The following UGT2B4 variants were observed in gnomAD, a reference collection of about 807,000 sequenced individuals.
The protein encoded by UGT2B4 is UDP-glucuronosyltransferase 2B4.
In UGT2B4, 49 loss-of-function variants were observed where a neutral mutation model predicts 49.8. The ratio of observed to expected loss-of-function variants is 0.98; its 90% CI spans 0.78 to 1.25. The LOEUF (loss-of-function observed/expected upper bound fraction) is 1.25, where lower values mean the gene tolerates loss of function less well. Among genes scored for constraint, UGT2B4 ranks in the 50% most tolerant of loss-of-function variants. The probability of loss-of-function intolerance (pLI) is 0.00; values close to 1 mark genes in which losing one functional copy is unlikely to be tolerated. For synonymous variants in UGT2B4, 246 were observed against 217.7 expected, an observed-to-expected ratio of 1.13 and a Z score of -1.14; for missense variants, 729 against 627.7, an observed-to-expected ratio of 1.16 and a Z score of -1.73.
At chr4:69,493,303 T>C (rs1272813201) in intron 2 of UGT2B4, among the ~76,000 whole-genome samples, 1 of 152,132 alleles carries the variant, frequency 6.6e-6, no homozygotes, top group Non-Finnish European at 1.5e-5. Context: ...TTACACAGTT[T>C]TTATTACTTG....
chr4:69,513,591 A>C (rs1728660421), intron 1 of UGT2B4, among the ~76,000 whole-genome samples: 1 of 152,138 alleles, frequency 6.6e-6, no homozygotes, highest in Non-Finnish European at 1.5e-5. Context: ...ATTTTAAAAT[A>C]GTTTTCTCTA....
upstream of UGT2B4, among the ~76,000 whole-genome samples, chr4:69,498,785 G>A (rs1728229049): frequency 6.6e-6 from 1 of 151,830 alleles, no homozygotes; most frequent in Admixed American, 6.6e-5. Context: ...CTAGACTGCT[G>A]TCTATTTTAT....
At chr4:69,513,369 A>G (rs1024917690) in intron 1 of UGT2B4, among the ~76,000 whole-genome samples, 2 of 151,832 alleles carry the variant, frequency 1.3e-5, no homozygotes, top group African/African-American at 2.4e-5. Context: ...TATTTTGTCA[A>G]GTTTGTGGAA....
At chr4:69,488,895 C>T (rs966378291) in intron 3 of UGT2B4, among the ~76,000 whole-genome samples, 6 of 152,146 alleles carry the variant, frequency 3.9e-5, no homozygotes, top group East Asian at 1.9e-4. Context: ...CTAGGCCTTC[C>T]TTTCTCTGAA....
chr4:69,481,865 T>C (rs1227170818), intron 5 of UGT2B4, among the ~76,000 whole-genome samples: 1 of 152,230 alleles, frequency 6.6e-6, no homozygotes, highest in Non-Finnish European at 1.5e-5. Flanking sequence ...CTTTGTGTCC[T>C]ACTGTTTCCC....
intron 1 of UGT2B4, chr4:69,518,209 A>G (rs1728775441): frequency 6.5e-6 from 1 of 154,408 alleles, no homozygotes; most frequent in Non-Finnish European, 1.4e-5. Context: ...CCCATAGTCA[A>G]TGAAAAAGCC....
chr4:69,495,978 A>C, upstream of UGT2B4: 3 of 1,449,826 alleles, frequency 2.1e-6, no homozygotes, highest in East Asian at 6.9e-5. Flanking sequence ...TTCAAAGTAA[A>C]TACATTATAT....
upstream of UGT2B4, among the ~76,000 whole-genome samples, chr4:69,499,706 T>C (rs928916272): frequency 3.3e-5 from 5 of 152,214 alleles, no homozygotes; most frequent in Admixed American, 2.6e-4. Flanking sequence ...CTGCTTTCTA[T>C]TTGCTTGGTA....
chr4:69,512,647 G>A (rs185889507), intron 1 of UGT2B4, among the ~76,000 whole-genome samples: 3 of 152,176 alleles, frequency 2.0e-5, no homozygotes, highest in African/African-American at 7.2e-5. Context: ...TTCCATGATG[G>A]TTGAAGTAAT....
chr4:69,485,569 C>G, intron 4 of UGT2B4, 142 bp from the exon 5 acceptor site: 1 of 1,167,806 alleles, frequency 8.6e-7, no homozygotes, highest in Non-Finnish European at 1.2e-6. Flanking sequence ...GAGGAAGGAA[C>G]GCCTACTTCT....
chr4:69,517,197 AG>A (rs1728753292), intron 1 of UGT2B4, among the ~76,000 whole-genome samples: 2 of 152,140 alleles, frequency 1.3e-5, no homozygotes, highest in African/African-American at 4.8e-5. Context: ...AGTCTTTTAG[AG>A]TTTTCTAATC....
intron 3 of UGT2B4, among the ~76,000 whole-genome samples, chr4:69,488,286 A>C (rs1212247182): frequency 6.6e-6 from 1 of 152,178 alleles, no homozygotes; most frequent in Non-Finnish European, 1.5e-5. Context: ...TTGATTGTTA[A>C]CACTTAGAAA....
intron 5 of UGT2B4, among the ~76,000 whole-genome samples, chr4:69,482,899 G>T (rs2109802109): frequency 6.6e-6 from 1 of 151,754 alleles, no homozygotes; most frequent in Admixed American, 6.6e-5. Flanking sequence ...AGCAGTTGTT[G>T]GTTTAATTCT....
chr4:69,495,222 T>C lies in UGT2B4; in HGVS notation c.640A>G (p.Met214Val), dbSNP rs753782287. 1.2e-6 allele frequency: 2 copies of C among 1,607,976 alleles called. No individual in the cohort carries two copies. Among genetic ancestry groups the C allele is most frequent in the Non-Finnish European group, 8.5e-7 (1 of 1,178,326 alleles). The stretch of plus-strand genomic sequence containing the variant: ...AATTCAAAATAAAGCACATAGATCA[T>C]ATTTTTTACCCTCTCTATGAAAGTC... ...QMTFIERVKN[M>V]IYVLYFEFWF... The change falls in exon 1 of 6, where the codon ATG (methionine) becomes GTG (valine). Residue 214 changes from methionine to valine, a missense_variant. Transcript: ENST00000305107.
rs1560429575 is a variant in UGT2B4, at chr4:69,480,302, T to TATGG, written c.*331_*332insCCAT. ...GGACTTCTTAATGTTCTTGTTTCCA[T>TATGG]GTACAATGTGTGACATGTAGTTAAG... On this transcript the variant is annotated 3_prime_UTR_variant, in exon 6 of 6. Transcript: ENST00000305107. 4.2e-6 allele frequency: 1 copy of TATGG among 236,692 alleles called. No individual in the cohort carries two copies. The highest frequency in any genetic ancestry group is 2.3e-5 in the African/African-American group (1 of 44,094). 14.7% of individuals were successfully genotyped at this position (236,692 alleles called of 1,614,324 possible). A position where few individuals can be genotyped will look rare whatever the true frequency, so the allele number is the denominator to read the frequency against.
At chr4:69,494,827 T>G (rs1728096270) in intron 1 of UGT2B4, among the ~76,000 whole-genome samples, 1 of 152,206 alleles carries the variant, frequency 6.6e-6, no homozygotes, top group Non-Finnish European at 1.5e-5. Flanking sequence ...TGAATAAGTC[T>G]GACTTTTTTT....
chr4:69,487,341 TC>T (rs2109806492), intron 3 of UGT2B4, among the ~76,000 whole-genome samples: 2 of 152,232 alleles, frequency 1.3e-5, no homozygotes, highest in South Asian at 4.1e-4. Flanking sequence ...ATGAAATCAA[TC>T]TAAATGCCCA....
At position 69,493,834 on chromosome 4, in the gene UGT2B4, G is replaced by A; in HGVS notation, c.729C>T (p.Pro243=). The change falls in exon 2 of 6, where the codon CCC becomes CCT. Residue 243 remains proline, a synonymous_variant. Coordinates refer to ENST00000305107, the MANE Select transcript of UGT2B4 (RefSeq NM_021139.3). Reference sequence around the variant, plus strand: ...TTGCCATTGTCTCAGATAACGTAGTGGGTCTTCCTGATGGGGGAAAAAAAA... The same window carrying A: ...TTGCCATTGTCTCAGATAACGTAGTAGGTCTTCCTGATGGGGGAAAAAAAA... ...DQFYSEVLGR[P]TTLSETMAKA... is the part of the protein sequence containing the mutation. The A allele has an allele frequency of 1.3e-6, 2 of 1,591,118 alleles. No homozygotes were observed. Among genetic ancestry groups the A allele is most frequent in the Non-Finnish European group, 1.7e-6 (2 of 1,171,932 alleles).
chr4:69,485,297 C>A lies in UGT2B4; in HGVS notation c.1221G>T (p.Lys407Asn). Reference sequence around the variant, plus strand: ...CCAAACTAACAGCTGCTCCCTTGGCCTTCATGTGTGCAATGTTATCAGGTT... The same window carrying A: ...CCAAACTAACAGCTGCTCCCTTGGCATTCATGTGTGCAATGTTATCAGGTT... ...ADQPDNIAHM[K>N]AKGAAVSLDF... is the part of the protein sequence containing the mutation. Residue 407 changes from lysine (K) to asparagine (N), a missense_variant, in exon 5 of 6, where the codon AAG becomes AAT. Transcript: ENST00000305107. The A allele has an allele frequency of 6.2e-7, 1 of 1,613,976 alleles. No individual in the cohort carries two copies. Among genetic ancestry groups the A allele is most frequent in the Non-Finnish European group, 8.5e-7 (1 of 1,179,952 alleles).
Sources: gnomAD v4.1 joint callset for allele counts (sites outside exome capture counted in the v4.1 genomes callset) on GRCh38, gnomAD v4.1.1 for gene constraint, MANE v1.5 for transcripts, NCBI Gene and HGNC (gene_info 2026-07-23, HGNC 2026-07-21) for gene names.